The following SYN3 variants were observed in gnomAD, a reference collection of about 807,000 sequenced individuals.
SYN3 encodes synapsin III, also known as synapsin-3.
In SYN3, 35 loss-of-function variants were observed where a neutral mutation model predicts 65.8. The observed-to-expected ratio is 0.53, with a 90% CI of 0.41 to 0.70. The LOEUF is 0.70. Ranked by LOEUF, SYN3 falls within the 30% of genes least tolerant of loss-of-function variation. SYN3 has a pLI of 0.00. For missense variants in SYN3, 680 were observed against 749.0 expected, an observed-to-expected ratio of 0.91 and a Z score of 1.08; for synonymous variants, 270 against 292.9, an observed-to-expected ratio of 0.92 and a Z score of 0.80.
chr22:32,788,555 T>A (rs1019821898), intron 6 of SYN3, among the ~76,000 whole-genome samples: 1 of 151,054 alleles, frequency 6.6e-6, no homozygotes, highest in African/African-American at 2.5e-5. Flanking sequence ...AAAAAAATAA[T>A]AATAATATGG....
At chr22:32,602,321 A>T (rs899333230) in intron 6 of SYN3, among the ~76,000 whole-genome samples, 1 of 152,236 alleles carries the variant, frequency 6.6e-6, no homozygotes, top group Non-Finnish European at 1.5e-5. Flanking sequence ...GCAAACACGT[A>T]TGCACGGATA....
At chr22:32,838,882 C>A (rs2047813622) in intron 6 of SYN3, among the ~76,000 whole-genome samples, 1 of 151,754 alleles carries the variant, frequency 6.6e-6, no homozygotes. Context: ...CAGATGCAGT[C>A]CCTGCCATCC....
intron 6 of SYN3, among the ~76,000 whole-genome samples, chr22:32,810,254 A>G (rs914331750): frequency 6.6e-6 from 1 of 152,224 alleles, no homozygotes; most frequent in African/African-American, 2.4e-5. Flanking sequence ...TGACCCATTT[A>G]GAGGCCATCT....
intron 8 of SYN3, 149 bp from the exon 9 acceptor site, chr22:32,538,259 C>T: frequency 1.6e-6 from 1 of 623,840 alleles, no homozygotes; most frequent in Non-Finnish European, 2.9e-6. Context: ...TTGTCTTCAA[C>T]TATATTTTCC....
At chr22:32,939,361 T>C (rs2050872345) in intron 3 of SYN3, among the ~76,000 whole-genome samples, 1 of 152,146 alleles carries the variant, frequency 6.6e-6, no homozygotes, top group South Asian at 2.1e-4. Flanking sequence ...CATAGAACAG[T>C]GCCTTGAAAA....
chr22:32,828,868 G>A (rs2047489771), intron 6 of SYN3, among the ~76,000 whole-genome samples: 1 of 152,140 alleles, frequency 6.6e-6, no homozygotes, highest in Admixed American at 6.5e-5. Flanking sequence ...CAAGCTTGGG[G>A]GAGACAGTCA....
intron 4 of SYN3, among the ~76,000 whole-genome samples, chr22:32,913,853 A>C (rs932869311): frequency 6.6e-6 from 1 of 152,234 alleles, no homozygotes; most frequent in Admixed American, 6.5e-5. Flanking sequence ...TGGCAGGAAC[A>C]AATAAAAATA....
At chr22:32,578,031 TG>T (rs1260978826) in intron 7 of SYN3, among the ~76,000 whole-genome samples, 2 of 152,272 alleles carry the variant, frequency 1.3e-5, no homozygotes, top group African/African-American at 4.8e-5. Flanking sequence ...GACTTGATTG[TG>T]TTTGATATTG....
intron 6 of SYN3, among the ~76,000 whole-genome samples, chr22:32,823,195 C>T (rs1323037360): frequency 6.6e-6 from 1 of 152,190 alleles, no homozygotes; most frequent in Non-Finnish European, 1.5e-5. Context: ...GCCAGCACAG[C>T]CCATCCCTTT....
rs2059641834 is a variant in SYN3, at chr22:32,624,707, AG to A, written c.712-27972del. On this transcript the variant is annotated intron_variant, in intron 6 of 13. Transcript: ENST00000358763. ...TGCTGGAAGGCACTGCCATGTGGAA[AG>A]AGGCAAGGTCCACATCTAAAGTTCC... Among the ~76,000 whole-genome samples the A allele has an allele frequency of 3.9e-5, 6 of 152,338 alleles. No individual in the cohort carries two copies. In the South Asian group the frequency reaches 1.2e-3, roughly 32 times the overall value.
intron 6 of SYN3, among the ~76,000 whole-genome samples, chr22:32,616,534 T>C (rs1340080363): frequency 1.3e-5 from 2 of 151,970 alleles, no homozygotes; most frequent in Middle Eastern, 3.2e-3. Flanking sequence ...GTGCTGAGTA[T>C]AATAGCATCC....
At chr22:32,613,883 A>G (rs2059480052) in intron 6 of SYN3, among the ~76,000 whole-genome samples, 2 of 151,694 alleles carry the variant, frequency 1.3e-5, no homozygotes, top group African/African-American at 4.8e-5. Context: ...CCTTCCTTCC[A>G]CCTACGGAAG....
intron 6 of SYN3, among the ~76,000 whole-genome samples, chr22:32,825,761 C>T (rs1400002602): frequency 7.5e-6 from 1 of 132,784 alleles, no homozygotes; most frequent in Non-Finnish European, 1.5e-5. Context: ...TGTGCATGTA[C>T]AGATATAAAC....
intron 7 of SYN3, among the ~76,000 whole-genome samples, chr22:32,564,476 T>A (rs1382658526): frequency 6.6e-6 from 1 of 152,182 alleles, no homozygotes; most frequent in East Asian, 1.9e-4. Context: ...TTTCCCAAGG[T>A]CACACGGCTA....
chr22:32,586,168 A>G (rs1260325936), intron 7 of SYN3, among the ~76,000 whole-genome samples: 2 of 151,514 alleles, frequency 1.3e-5, no homozygotes, highest in Admixed American at 6.6e-5. Flanking sequence ...AAACACATGC[A>G]CACACATGCA....
intron 6 of SYN3, among the ~76,000 whole-genome samples, chr22:32,713,815 A>G (rs1198885025): frequency 6.8e-6 from 1 of 146,484 alleles, no homozygotes; most frequent in Non-Finnish European, 1.5e-5. Context: ...TAGGTGACAG[A>G]GCAAGACCCC....
rs2046929488 is a variant in SYN3, at chr22:32,812,037, G to A, written c.711+52878C>T. On this transcript the variant is annotated intron_variant, in intron 6 of 13. Transcript: ENST00000358763. Reference sequence around the variant, plus strand: ...ACTGGCTGGAGTTAGGAGGCCTAAGGTCTAGTCCTAGTTCATCATCTGACT... The same window carrying A: ...ACTGGCTGGAGTTAGGAGGCCTAAGATCTAGTCCTAGTTCATCATCTGACT... Among the ~76,000 whole-genome samples the A allele has an allele frequency of 2.6e-5, 4 of 152,170 alleles. No individual in the cohort carries two copies. In the South Asian group the frequency reaches 8.3e-4, roughly 32 times the overall value.
At chr22:32,983,600 C>A (rs949241940) in intron 2 of SYN3, among the ~76,000 whole-genome samples, 1 of 148,366 alleles carries the variant, frequency 6.7e-6, no homozygotes. Flanking sequence ...TAGTATGACT[C>A]GAAAGCAAGA....
intron 6 of SYN3, among the ~76,000 whole-genome samples, chr22:32,721,242 CT>C (rs1227467493): frequency 6.6e-6 from 1 of 152,212 alleles, no homozygotes; most frequent in Non-Finnish European, 1.5e-5. Context: ...GCCACCTCCC[CT>C]GGTGCAGCCA....
Sources: allele counts gnomAD v4.1 joint callset (sites outside exome capture counted in the v4.1 genomes callset), GRCh38; gene constraint gnomAD v4.1.1; transcripts MANE v1.5; gene names NCBI Gene and HGNC (gene_info 2026-07-23, HGNC 2026-07-21).